The following NLRP13 variants were observed in gnomAD, a reference collection of about 807,000 sequenced individuals.
The protein encoded by NLRP13 is NLR family pyrin domain containing 13.
A neutral mutation model predicts 94.4 loss-of-function variants in NLRP13; 82 were observed. The ratio of observed to expected loss-of-function variants is 0.87; its 90% confidence interval spans 0.73 to 1.04. The LOEUF is 1.04. Among genes scored for constraint, NLRP13 ranks in the 50% least tolerant of loss-of-function variants. The pLI is 0.00. For missense variants in NLRP13, 1,426 were observed against 1,230.8 expected (o/e 1.16, Z -2.37); for synonymous variants, 553 against 464.7 (o/e 1.19, Z -2.45).
chr19:55,913,234 T>C lies in NLRP13; in HGVS notation c.583A>G (p.Ile195Val), dbSNP rs781081696. The C allele has an allele frequency of 1.9e-6, 3 of 1,614,010 alleles. No individual in the cohort carries two copies. In the East Asian group the frequency reaches 6.7e-5, roughly 36 times the overall value. The change falls in exon 5 of 11, where the codon ATC becomes GTC. Residue 195 changes from isoleucine (I) to valine (V), a missense_variant. By Grantham distance (29) the Ile-to-Val change is conservative. Transcript: ENST00000342929. ...TATACGTGGTCTTTAGGCCAACTGA[T>C]GTTGTCCCATGTCTCCAGTAGTTCA... ...KAELLETWDNISWPKDHVYIR... is the reference protein window; with the variant it reads ...KAELLETWDNVSWPKDHVYIR...
chr19:55,904,833 A>G, intron 8 of NLRP13, 109 bp downstream of exon 8: 3 of 915,714 alleles, frequency 3.3e-6, no homozygotes, highest in Admixed American at 2.9e-5. Context: ...TAATTACTCA[A>G]TGAATGTTAC....
At chr19:55,924,827 TGAAA>T in intron 2 of NLRP13, 136 bp downstream of exon 2, 9 of 835,738 alleles carry the variant, frequency 1.1e-5, no homozygotes, top group Non-Finnish European at 1.6e-5. Flanking sequence ...TAAGCAATAC[TGAAA>T]GAATTAGTTG....
chr19:55,895,033 G>T (rs1053476809), downstream of NLRP13, among the ~76,000 whole-genome samples: 3 of 152,086 alleles, frequency 2.0e-5, no homozygotes, highest in African/African-American at 7.2e-5. Context: ...TGCATTAAAA[G>T]TAATAGCAAA....
intron 5 of NLRP13, 64 bp downstream of exon 5, chr19:55,911,638 TGAAA>T (rs762497876): frequency 4.0e-5 from 56 of 1,412,660 alleles, no homozygotes; most frequent in Non-Finnish European, 5.2e-5. Context: ...TGGTTTTGCA[TGAAA>T]GAATTTGCAC....
At chr19:55,929,636 C>T (rs1321501184) in intron 1 of NLRP13, among the ~76,000 whole-genome samples, 2 of 151,872 alleles carry the variant, frequency 1.3e-5, no homozygotes, top group Non-Finnish European at 2.9e-5. Flanking sequence ...GGGTGGGGGG[C>T]TAGGGGAGGG....
rs555286370 is a variant in NLRP13 at position 55,914,901 on chromosome 19, T to C, written c.524-1608A>G. Among the ~76,000 whole-genome samples, 12 of 152,318 alleles carry C rather than the reference T, an allele frequency of 7.9e-5. 1 individual carries two copies. Among genetic ancestry groups the C allele is most frequent in the African/African-American group, 2.2e-4 (9 of 41,576 alleles). ...AATGAACATGGGAGTGAAAATCTCT[T>C]TGACATACTGATTTCTTCTTGCCAA... On this transcript the variant is annotated intron_variant, in intron 4 of 10. Coordinates refer to ENST00000342929, the MANE Select transcript of NLRP13 (RefSeq NM_176810.2).
chr19:55,904,780 G>T (rs920529804), intron 8 of NLRP13, among the ~76,000 whole-genome samples, 162 bp downstream of exon 8: 17 of 152,156 alleles, frequency 1.1e-4, no homozygotes, highest in Admixed American at 3.3e-4. Flanking sequence ...ACAAATCCAG[G>T]ATGCTACTCT....
intron 9 of NLRP13, among the ~76,000 whole-genome samples, chr19:55,899,953 G>GT (rs34231494): frequency 2.1e-4 from 30 of 141,114 alleles, no homozygotes; most frequent in East Asian, 6.1e-4. Flanking sequence ...TATAATTGTT[G>GT]TTTTTTTTTT....
intron 1 of NLRP13, among the ~76,000 whole-genome samples, chr19:55,930,899 A>ATATATGTGTATATATATATATATATAT: frequency 1.2e-5 from 1 of 80,444 alleles, no homozygotes; most frequent in African/African-American, 7.1e-5. Flanking sequence ...TATATATATA[A>ATATATGTGTATATATATATATATATAT]AATTTTAACC....
intron 3 of NLRP13, 47 bp downstream of exon 3, chr19:55,924,543 T>G (rs1237332243): frequency 3.8e-6 from 5 of 1,314,442 alleles, no homozygotes; most frequent in Non-Finnish European, 5.5e-6. Context: ...ATGAAACGAG[T>G]GTTCCATCAA....
downstream of NLRP13, among the ~76,000 whole-genome samples, chr19:55,894,045 T>TTTC (rs1985933397): frequency 7.4e-6 from 1 of 136,004 alleles, no homozygotes; most frequent in Non-Finnish European, 1.5e-5. Context: ...TGCCCCAACT[T>TTTC]TTTTTTTTTT....
At chr19:55,900,098 CTAACTTAAT>C (rs1986125874) in intron 9 of NLRP13, among the ~76,000 whole-genome samples, 1 of 152,006 alleles carries the variant, frequency 6.6e-6, no homozygotes, top group South Asian at 2.1e-4. Context: ...GACACATTAA[CTAACTTAAT>C]TATTCCACAT....
intron 8 of NLRP13, among the ~76,000 whole-genome samples, chr19:55,903,796 C>A (rs992839580): frequency 6.6e-5 from 10 of 152,138 alleles, no homozygotes; most frequent in Non-Finnish European, 1.2e-4. Context: ...ATCCTGAAAT[C>A]CTATAACCTC....
At chr19:55,908,144 C>G (rs1030023756) in intron 6 of NLRP13, among the ~76,000 whole-genome samples, 188 bp from the exon 7 acceptor site, 2 of 152,000 alleles carry the variant, frequency 1.3e-5, no homozygotes, top group Admixed American at 6.6e-5. Context: ...ATACTCCCCC[C>G]AAAAAAATCA....
At chr19:55,907,073 C>T (rs1284900132) in intron 7 of NLRP13, among the ~76,000 whole-genome samples, 2 of 152,140 alleles carry the variant, frequency 1.3e-5, no homozygotes, top group Non-Finnish European at 2.9e-5. Flanking sequence ...AGTCTCCTGC[C>T]TCAACCTCCT....
Position 55,925,896 on chromosome 19 carries a change from C to G in NLRP13, c.320-861G>C, listed in dbSNP as rs149672588. Among the ~76,000 whole-genome samples the G allele has an allele frequency of 2.1e-3, 317 of 152,172 alleles. 2 individuals carry two copies. Among genetic ancestry groups the G allele is most frequent in the African/African-American group, 7.3e-3 (305 of 41,508 alleles). ...AGAACAAGAATCCATCATTCTACACCCATGTTAGCCTAGGCCAAATAATCC... is the reference window on the plus strand; with the variant it reads ...AGAACAAGAATCCATCATTCTACACGCATGTTAGCCTAGGCCAAATAATCC... On this transcript the variant is annotated intron_variant, in intron 1 of 10. Transcript: ENST00000342929.
In NLRP13 at chr19:55,913,146, G is replaced by A. The variant is rs1210198136; in HGVS notation, c.671C>T (p.Thr224Ile). 5 of 1,614,084 alleles carry A rather than the reference G, an allele frequency of 3.1e-6. No individual in the cohort carries two copies. The highest frequency in any genetic ancestry group is 1.3e-5 in the African/African-American group (1 of 75,032). ...ELQRLLDPNRTRAQAQTIVLV... is the reference protein window; with the variant it reads ...ELQRLLDPNRIRAQAQTIVLV... Reference sequence around the variant, plus strand: ...GACTATCGTCTGGGCCTGGGCTCTAGTCCTATTAGGATCCAGTAGGCGCTG... The same window carrying A: ...GACTATCGTCTGGGCCTGGGCTCTAATCCTATTAGGATCCAGTAGGCGCTG... Residue 224 changes from threonine (T) to isoleucine (I), a missense_variant, in exon 5 of 11, where the codon ACT becomes ATT. Physicochemically the swap from Thr to Ile is moderately conservative, Grantham distance 89 (BLOSUM62 -1). Transcript: ENST00000342929.
In NLRP13 at chr19:55,923,515, C is replaced by CCA. The variant is rs142842582; in HGVS notation, c.523+397_523+398dup. Reference sequence around the variant, plus strand: ...GCAGGAGTAGGGGGTGGAAGGGGCACCACCATGTGAATTGCCCACAAGTGT... The same window carrying CCA: ...GCAGGAGTAGGGGGTGGAAGGGGCACCACACCATGTGAATTGCCCACAAGTGT... On this transcript the variant is annotated intron_variant, in intron 4 of 10. Transcript: ENST00000342929. Among the ~76,000 whole-genome samples the CCA allele has an allele frequency of 3.5e-3, 526 of 152,248 alleles. 10 individuals are homozygous for CCA. In the East Asian group the frequency reaches 0.057, roughly 16 times the overall value.
chr19:55,915,644 A>G (rs913647376), intron 4 of NLRP13, among the ~76,000 whole-genome samples: 13 of 152,110 alleles, frequency 8.5e-5, no homozygotes, highest in African/African-American at 1.7e-4. Flanking sequence ...ACAGAGTATC[A>G]GGAGAGAATA....
Sources: allele counts gnomAD v4.1 joint callset (sites outside exome capture counted in the v4.1 genomes callset), GRCh38; gene constraint gnomAD v4.1.1; transcripts MANE v1.5; gene names NCBI Gene and HGNC (gene_info 2026-07-23, HGNC 2026-07-21).